Variants in SLC24A2 observed in about 807,000 individuals in gnomAD.
SLC24A2 encodes the protein sodium/potassium/calcium exchanger 2.
In SLC24A2, 36 loss-of-function variants were observed where a neutral mutation model predicts 62.0. The ratio of observed to expected loss-of-function variants is 0.58; its 90% CI spans 0.44 to 0.77. The LOEUF (loss-of-function observed/expected upper bound fraction) is 0.77, where lower values mean the gene tolerates loss of function less well. Ranked by LOEUF, SLC24A2 falls within the 30% of genes least tolerant of loss-of-function variation. SLC24A2 has a pLI of 0.00. For synonymous variants in SLC24A2, 358 were observed against 294.0 expected (o/e 1.22, Z -2.23); for missense variants, 846 against 817.9 (o/e 1.03, Z -0.42).
chr9:19,854,427 C>A, the SLC24A2 span, among the ~76,000 whole-genome samples: 8 of 152,068 alleles, frequency 5.3e-5, no homozygotes, highest in African/African-American at 1.7e-4. Context: ...TTTACATGAG[C>A]ATTTGGTGCT....
chr9:19,582,294 T>G lies in SLC24A2; in HGVS notation c.1130-5272A>C, dbSNP rs577874648. Among the ~76,000 whole-genome samples, 11 of 152,342 alleles carry G rather than the reference T, an allele frequency of 7.2e-5. No homozygotes were observed. The South Asian group carries it at 2.3e-3, about 32-fold the overall frequency. On this transcript the variant is annotated intron_variant, in intron 5 of 10. Transcript: ENST00000341998. ...TCACTCAAAGGAAATGAATTTTGTTTCTCTTCTGCTGTTAATTAAAACAGC... is the reference window on the plus strand; with the variant it reads ...TCACTCAAAGGAAATGAATTTTGTTGCTCTTCTGCTGTTAATTAAAACAGC...
the SLC24A2 span, chr9:19,895,801 C>T: frequency 4.4e-6 from 7 of 1,593,682 alleles, no homozygotes; most frequent in South Asian, 2.3e-5. Flanking sequence ...TGCCTGTCAT[C>T]TGCTTGGGTT....
In SLC24A2 at chr9:19,785,975, T is replaced by C. The variant is rs1823152026; in HGVS notation, c.892A>G (p.Lys298Glu). The change falls in exon 2 of 11, where the codon AAG becomes GAG. Residue 298 changes from lysine to glutamate, a missense_variant. Coordinates refer to ENST00000341998, the MANE Select transcript of SLC24A2 (RefSeq NM_020344.4). ...KWVKQMINRN[K>E]VVKVTAPEAQ... ...TCTGGTGCTGTCACCTTGACGACCT[T>C]ATTGCGGTTTATCATTTGCTTCACC... 1 of 1,614,240 alleles carries C rather than the reference T, an allele frequency of 6.2e-7. No individual in the cohort carries two copies. The highest frequency in any genetic ancestry group is 1.3e-5 in the African/African-American group (1 of 75,066).
chr9:20,057,337 T>C, the SLC24A2 span, among the ~76,000 whole-genome samples: 2 of 152,240 alleles, frequency 1.3e-5, no homozygotes, highest in Non-Finnish European at 2.9e-5. Context: ...TATTTTGTTT[T>C]ACTGATGTAA....
At chr9:19,716,450 T>C (rs1564059747) in intron 2 of SLC24A2, among the ~76,000 whole-genome samples, 1 of 152,246 alleles carries the variant, frequency 6.6e-6, no homozygotes, top group South Asian at 2.1e-4. Context: ...GGAGCTCCCA[T>C]TCACTGGTTA....
chr9:19,808,014 G>A, the SLC24A2 span, among the ~76,000 whole-genome samples: 1 of 152,160 alleles, frequency 6.6e-6, no homozygotes, highest in African/African-American at 2.4e-5. The surrounding 1 kb of genome is among the most constrained non-coding windows in gnomAD (Gnocchi z 4.1). Context: ...TAAATGCAAG[G>A]CACTGTGGGG....
the SLC24A2 span, among the ~76,000 whole-genome samples, chr9:20,049,877 C>T: frequency 2.0e-5 from 3 of 152,012 alleles, no homozygotes; most frequent in African/African-American, 7.2e-5. Flanking sequence ...GACATGGCCA[C>T]TCAGGAAGAT....
chr9:19,577,100 C>G, intron 5 of SLC24A2, 78 bp from the exon 6 acceptor site: 2 of 1,110,600 alleles, frequency 1.8e-6, no homozygotes, highest in Non-Finnish European at 2.8e-6. Flanking sequence ...TATGTGGCCT[C>G]CTCAGTCACG....
At chr9:19,594,964 T>C (rs1836666138) in intron 5 of SLC24A2, among the ~76,000 whole-genome samples, 1 of 152,212 alleles carries the variant, frequency 6.6e-6, no homozygotes, top group Admixed American at 6.5e-5. Context: ...TTTACATGGC[T>C]GGATGGACAG....
At chr9:20,087,390 A>G in the SLC24A2 span, among the ~76,000 whole-genome samples, 1 of 152,182 alleles carries the variant, frequency 6.6e-6, no homozygotes, top group African/African-American at 2.4e-5. Flanking sequence ...TCTAAATGAT[A>G]TGGTTTTCAA....
chr9:20,097,628 C>T, the SLC24A2 span, among the ~76,000 whole-genome samples: 1 of 149,922 alleles, frequency 6.7e-6, no homozygotes, highest in Non-Finnish European at 1.5e-5. Context: ...GTATCTGATT[C>T]TCCCTTTAAG....
the SLC24A2 span, among the ~76,000 whole-genome samples, chr9:20,040,728 A>T: frequency 6.6e-6 from 1 of 152,186 alleles, no homozygotes; most frequent in South Asian, 2.1e-4. Context: ...AAGATGCATC[A>T]TGGCTATTTA....
chr9:19,884,876 G>C, the SLC24A2 span, among the ~76,000 whole-genome samples: 1 of 152,172 alleles, frequency 6.6e-6, no homozygotes, highest in Non-Finnish European at 1.5e-5. Flanking sequence ...ACGTTCAGTA[G>C]GTTAGGGGTA....
chr9:19,562,837 G>T (rs1835473535), intron 7 of SLC24A2, among the ~76,000 whole-genome samples: 2 of 152,148 alleles, frequency 1.3e-5, no homozygotes, highest in South Asian at 4.1e-4. Context: ...GATTATGGTG[G>T]CTCACACTTG....
intron 2 of SLC24A2, among the ~76,000 whole-genome samples, chr9:19,730,454 G>C (rs1334949286): frequency 6.6e-6 from 1 of 152,066 alleles, no homozygotes; most frequent in Non-Finnish European, 1.5e-5. Context: ...TTATATTTTT[G>C]TGATTATAGA....
the SLC24A2 span, among the ~76,000 whole-genome samples, chr9:20,154,290 G>A: frequency 6.6e-6 from 1 of 151,806 alleles, no homozygotes; most frequent in African/African-American, 2.4e-5. Flanking sequence ...ATTGTAAGGT[G>A]ACAAATGGGG....
At chr9:19,729,872 A>C (rs1821283941) in intron 2 of SLC24A2, among the ~76,000 whole-genome samples, 1 of 152,146 alleles carries the variant, frequency 6.6e-6, no homozygotes, top group Non-Finnish European at 1.5e-5. Context: ...AGGATATTAG[A>C]CATTACCAAC....
chr9:20,285,837 G>A, the SLC24A2 span, among the ~76,000 whole-genome samples: 2 of 152,274 alleles, frequency 1.3e-5, no homozygotes, highest in Admixed American at 6.5e-5. Flanking sequence ...CCAAGGAAGG[G>A]CATGCACAGA....
the SLC24A2 span, among the ~76,000 whole-genome samples, chr9:20,055,514 A>G: frequency 6.6e-6 from 1 of 152,134 alleles, no homozygotes; most frequent in African/African-American, 2.4e-5. Flanking sequence ...TAACTTTTAG[A>G]TGAGAAAACT....
Sources: gnomAD v4.1 joint callset for allele counts (sites outside exome capture counted in the v4.1 genomes callset) on GRCh38, gnomAD v4.1.1 for gene constraint, Gnocchi (gnomAD v3.1) non-coding constraint, MANE v1.5 for transcripts, NCBI Gene and HGNC (gene_info 2026-07-23, HGNC 2026-07-21) for gene names.